The following FOXO1 variants were observed in gnomAD, a reference collection of about 807,000 sequenced individuals.
FOXO1 encodes forkhead box protein O1.
FOXO1 carries 6 observed loss-of-function variants against 44.1 expected under a neutral mutation model. That is an observed-to-expected ratio of 0.14 (90% confidence interval 0.07 to 0.27). FOXO1 has a LOEUF of 0.27. Ranked by LOEUF, FOXO1 falls within the 10% of genes least tolerant of loss-of-function variation. The probability of loss-of-function intolerance (pLI) is 1.00; values close to 1 mark genes in which losing one functional copy is unlikely to be tolerated. For synonymous variants in FOXO1, 380 were observed against 362.7 expected, an observed-to-expected ratio of 1.05 and a Z score of -0.54; for missense variants, 737 against 888.8, an observed-to-expected ratio of 0.83 and a Z score of 2.17.
rs9577075 is a variant in FOXO1 at position 40,595,425 on chromosome 13, C to T, written c.631-34565G>A. ...TCGTTCAGTATTGTCTGGGGGTGGG[C>T]CTGAGATTTCCTGGTGATACTGATG... On this transcript the variant is annotated intron_variant, in intron 1 of 2. Coordinates refer to ENST00000379561, the MANE Select transcript of FOXO1 (RefSeq NM_002015.4). Among the ~76,000 whole-genome samples, 162 of 152,180 alleles carry T rather than the reference C, an allele frequency of 1.1e-3. 4 individuals are homozygous for T. The East Asian group carries it at 0.019, about 18-fold the overall frequency.
chr13:40,664,525 T>C (rs1156412225), intron 1 of FOXO1, among the ~76,000 whole-genome samples: 1 of 151,972 alleles, frequency 6.6e-6, no homozygotes, highest in Non-Finnish European at 1.5e-5. Context: ...CACCGCTCCC[T>C]CGACGCGCAC....
Position 40,560,432 on chromosome 13 carries a change from T to C in FOXO1, c.1059A>G (p.Ala353=), listed in dbSNP as rs1398383988. ...GACTGGGTAAAGTAGAGGCCATCTT[T>C]GCGGCAGATGGCGGGTACACCATAG... ...VHSMVYPPSA[A]KMASTLPSLS... Residue 353 remains alanine, a synonymous_variant, in exon 2 of 3, where the codon GCA becomes GCG. Coordinates refer to ENST00000379561, the MANE Select transcript of FOXO1 (RefSeq NM_002015.4). This position sits in a 1 kb window ranked among gnomAD's most constrained non-coding sequence, Gnocchi z 5.1. 1.2e-6 allele frequency: 2 copies of C among 1,614,180 alleles called. No homozygotes were observed. The highest frequency in any genetic ancestry group is 1.1e-5 in the South Asian group (1 of 91,082).
intron 1 of FOXO1, among the ~76,000 whole-genome samples, chr13:40,654,500 CAAA>C (rs199597846): frequency 3.7e-5 from 4 of 108,226 alleles, no homozygotes; most frequent in Admixed American, 9.4e-5. Context: ...GACTCTGTCA[CAAA>C]AAAAAAAAAA....
At chr13:40,626,165 T>C (rs1876779516) in intron 1 of FOXO1, among the ~76,000 whole-genome samples, 1 of 152,170 alleles carries the variant, frequency 6.6e-6, no homozygotes, top group Non-Finnish European at 1.5e-5. Context: ...ATCTAATATA[T>C]GACATATTCT....
chr13:40,640,833 GA>G (rs1566082749), intron 1 of FOXO1, among the ~76,000 whole-genome samples: 1 of 151,910 alleles, frequency 6.6e-6, no homozygotes, highest in Non-Finnish European at 1.5e-5. Flanking sequence ...TCCCAGGCTG[GA>G]GTGCAATGGC....
intron 1 of FOXO1, among the ~76,000 whole-genome samples, chr13:40,652,087 AATCGAT>A (rs1224842703): frequency 1.3e-5 from 2 of 151,956 alleles, no homozygotes; most frequent in African/African-American, 4.8e-5. Context: ...AAACAACCCC[AATCGAT>A]ATTTACAAGT....
At chr13:40,644,347 A>C (rs1877447437) in intron 1 of FOXO1, among the ~76,000 whole-genome samples, 1 of 152,232 alleles carries the variant, frequency 6.6e-6, no homozygotes. Context: ...AAGGGGAGCC[A>C]AGTAGGCAAA....
chr13:40,656,294 T>G (rs1469565507), intron 1 of FOXO1, among the ~76,000 whole-genome samples: 2 of 152,238 alleles, frequency 1.3e-5, no homozygotes, highest in East Asian at 3.8e-4. Context: ...CATTTACATT[T>G]TGAAGTATCT....
chr13:40,574,340 T>C (rs1368940279), intron 1 of FOXO1, among the ~76,000 whole-genome samples: 2 of 152,194 alleles, frequency 1.3e-5, no homozygotes, highest in African/African-American at 4.8e-5. Context: ...AGTTAGATCA[T>C]TACTGCGCGT....
intron 1 of FOXO1, among the ~76,000 whole-genome samples, chr13:40,569,174 T>A (rs564965802): frequency 1.3e-5 from 2 of 152,272 alleles, no homozygotes; most frequent in South Asian, 4.1e-4. Flanking sequence ...GCATGTCAAA[T>A]AGTACTAAAA....
intron 2 of FOXO1, 123 bp from the exon 3 acceptor site, chr13:40,559,157 GCTTTCTCAA>G: frequency 2.5e-6 from 1 of 402,736 alleles, no homozygotes. Flanking sequence ...AAAAGCTAGA[GCTTTCTCAA>G]ACAGCTCTAA....
At chr13:40,582,971 C>G (rs1875013694) in intron 1 of FOXO1, among the ~76,000 whole-genome samples, 2 of 152,158 alleles carry the variant, frequency 1.3e-5, no homozygotes, top group African/African-American at 4.8e-5. Flanking sequence ...ACTATGGCAA[C>G]TTGGGCCTTA....
At chr13:40,588,789 C>T (rs1378281652) in intron 1 of FOXO1, among the ~76,000 whole-genome samples, 1 of 148,350 alleles carries the variant, frequency 6.7e-6, no homozygotes, top group Admixed American at 6.8e-5. Context: ...TAAAAAGAGT[C>T]AAGGACACAA....
At chr13:40,569,583 C>T (rs2721069) in intron 1 of FOXO1, among the ~76,000 whole-genome samples, 61,217 of 151,994 alleles carry the variant, frequency 0.4, 13,389 homozygotes, top group East Asian at 0.73. Flanking sequence ...TCCTCACAAC[C>T]GAGCTGCAAT....
intron 1 of FOXO1, among the ~76,000 whole-genome samples, chr13:40,617,366 AC>A (rs1876463449): frequency 6.6e-6 from 1 of 151,708 alleles, no homozygotes; most frequent in South Asian, 2.1e-4. Context: ...AATCACTTGA[AC>A]CCAGGAGGCG....
chr13:40,563,605 T>C (rs1168110029), intron 1 of FOXO1, among the ~76,000 whole-genome samples: 1 of 149,654 alleles, frequency 6.7e-6, no homozygotes, highest in Non-Finnish European at 1.5e-5. Flanking sequence ...CCCACCTTCC[T>C]CCACACCCAA....
At chr13:40,656,007 T>G (rs939620332) in intron 1 of FOXO1, among the ~76,000 whole-genome samples, 1 of 152,196 alleles carries the variant, frequency 6.6e-6, no homozygotes, top group African/African-American at 2.4e-5. Context: ...TGCCTTCTGA[T>G]GTGCCACAAT....
intron 1 of FOXO1, among the ~76,000 whole-genome samples, chr13:40,586,116 GATCACAATCCATAAA>G (rs1875154735): frequency 6.6e-6 from 1 of 152,188 alleles, no homozygotes; most frequent in Non-Finnish European, 1.5e-5. Flanking sequence ...TAAAACTCTG[GATCACAATCCATAAA>G]ATAGTGAAAC....
rs138516920 is a variant in FOXO1, at chr13:40,592,840, C to T, written c.631-31980G>A. ...TTGTCTTCCCAAGAAATGGTAAAGG[C>T]GTGTACAGGAGGCATTTCTGGGTCT... On this transcript the variant is annotated intron_variant, in intron 1 of 2. Transcript: ENST00000379561. Among the ~76,000 whole-genome samples, 7 of 152,228 alleles carry T rather than the reference C, an allele frequency of 4.6e-5. No homozygotes were observed. In the East Asian group the frequency reaches 1.3e-3, roughly 29 times the overall value.
Sources: allele counts gnomAD v4.1 joint callset (sites outside exome capture counted in the v4.1 genomes callset), GRCh38; gene constraint gnomAD v4.1.1; non-coding constraint Gnocchi (gnomAD v3.1); transcripts MANE v1.5; gene names NCBI Gene and HGNC (gene_info 2026-07-23, HGNC 2026-07-21).